UNC50: variants seen among roughly 807,000 people sequenced by gnomAD.
UNC50 encodes protein unc-50 homolog.
UNC50 carries 24 observed loss-of-function variants against 31.5 expected under a neutral mutation model. That is an observed-to-expected ratio of 0.76 (90% CI 0.55 to 1.07). UNC50 has a LOEUF of 1.07. Among genes scored for constraint, UNC50 ranks in the 50% least tolerant of loss-of-function variants. UNC50 has a pLI of 0.00. For missense variants in UNC50, 245 were observed against 304.2 expected (o/e 0.81, Z 1.45); for synonymous variants, 118 against 114.7 (o/e 1.03, Z -0.18).
At chr2:98,617,052 C>G (rs931953867) in intron 5 of UNC50, among the ~76,000 whole-genome samples, 1 of 152,156 alleles carries the variant, frequency 6.6e-6, no homozygotes. Context: ...CACAGAAGAT[C>G]GGGCCCAACA....
In UNC50 at chr2:98,618,461, A is replaced by C. The variant is rs1051143053; in HGVS notation, c.*157A>C. 5.1e-6 allele frequency: 3 copies of C among 592,680 alleles called. No homozygotes were observed. Among genetic ancestry groups the C allele is most frequent in the Admixed American group, 4.1e-5 (1 of 24,276 alleles). 36.7% of individuals were successfully genotyped at this position (592,680 alleles called of 1,614,324 possible). ...ATATATTAACACTGTGGTCAGGTAC[A>C]TTCCTTAAAACTAATTAAATGTACA... On this transcript the variant is annotated 3_prime_UTR_variant, in exon 6 of 6. Coordinates refer to ENST00000357765, the MANE Select transcript of UNC50 (RefSeq NM_014044.7).
At chr2:98,608,930 A>G (rs904295133) in intron 1 of UNC50, 5 of 214,234 alleles carry the variant, frequency 2.3e-5, no homozygotes, top group Non-Finnish European at 4.8e-5. Context: ...AGCATTTAGT[A>G]TAAGCATGTC....
chr2:98,608,784 T>G, intron 1 of UNC50, 58 bp downstream of exon 1: 1 of 295,588 alleles, frequency 3.4e-6, no homozygotes, highest in Non-Finnish European at 6.5e-6. Flanking sequence ...GGGGGCCATT[T>G]AATCCCGACA....
chr2:98,617,140 A>AACAT (rs1188351585), intron 5 of UNC50, among the ~76,000 whole-genome samples: 2 of 152,232 alleles, frequency 1.3e-5, no homozygotes, highest in African/African-American at 4.8e-5. Context: ...ATGAATGAGG[A>AACAT]ACATATATTA....
intron 3 of UNC50, among the ~76,000 whole-genome samples, chr2:98,614,158 T>C (rs1700882798): frequency 6.6e-6 from 1 of 152,262 alleles, no homozygotes; most frequent in Non-Finnish European, 1.5e-5. Context: ...CACACTATCT[T>C]TTCCATGGCA....
chr2:98,611,637 C>G (rs928766529), intron 3 of UNC50, among the ~76,000 whole-genome samples: 2 of 152,104 alleles, frequency 1.3e-5, no homozygotes. Flanking sequence ...CTTGACTTTT[C>G]CCTTTGGCTT....
chr2:98,614,102 AG>A (rs1306316070), intron 3 of UNC50, among the ~76,000 whole-genome samples: 1 of 152,224 alleles, frequency 6.6e-6, no homozygotes, highest in Non-Finnish European at 1.5e-5. Context: ...GGGCAAAAGG[AG>A]GTGGGGAGCT....
Position 98,610,003 on chromosome 2 carries a change from C to A in UNC50, c.244C>A (p.Pro82Thr). ...GAAGGACCAGTGGGCCAGAGATGAC[C>A]CTGCTTTCTTGGTCCTGTTAAGTAT... Reference protein sequence around the residue: ...QTKDQWARDDPAFLVLLSIWL... With the variant: ...QTKDQWARDDTAFLVLLSIWL... Residue 82 changes from proline to threonine, a missense_variant, in exon 2 of 6, where the codon CCT becomes ACT. Physicochemically the swap from Pro to Thr is conservative, Grantham distance 38 (BLOSUM62 -1). Transcript: ENST00000357765. The A allele has an allele frequency of 6.2e-7, 1 of 1,614,100 alleles. No homozygotes were observed. Among genetic ancestry groups the A allele is most frequent in the Non-Finnish European group, 8.5e-7 (1 of 1,179,996 alleles).
chr2:98,611,069 AATACT>A (rs2104175125), intron 3 of UNC50, among the ~76,000 whole-genome samples, 174 bp downstream of exon 3: 1 of 152,388 alleles, frequency 6.6e-6, no homozygotes, highest in Non-Finnish European at 1.5e-5. Flanking sequence ...TATATCAGAA[AATACT>A]ATAAAGGCTG....
Position 98,609,550 on chromosome 2 carries a change from G to C in UNC50, c.-4-206G>C, listed in dbSNP as rs1001333967. ...AGGTGATTCAGAAGGGTGGGCTGTT[G>C]CCCTTGCCTGAGGTTGCAGTCTGCG... On this transcript the variant is annotated intron_variant, in intron 1 of 5. Transcript: ENST00000357765. 6 of 688,502 alleles carry C rather than the reference G, an allele frequency of 8.7e-6. No homozygotes were observed. In the African/African-American group the frequency reaches 8.9e-5, roughly 10 times the overall value. The allele number at this position is 688,502 out of a possible 1,614,324, so 42.6% of individuals were successfully genotyped here. A position where few individuals can be genotyped will look rare whatever the true frequency, so the allele number is the denominator to read the frequency against.
rs1700919367 is a variant in UNC50 at position 98,616,288 on chromosome 2, CAA to C, written c.484_485del (p.Asn162CysfsTer93). The C allele has an allele frequency of 6.2e-7, 1 of 1,614,032 alleles. No homozygotes were observed. The highest frequency in any genetic ancestry group is 1.7e-5 in the Admixed American group (1 of 59,996). On this transcript the variant is annotated frameshift_variant, in exon 4 of 6. Coordinates refer to ENST00000357765, the MANE Select transcript of UNC50 (RefSeq NM_014044.7). LOFTEE classifies it high-confidence loss of function. ...GGGGCTATGCTTTTGATGTGCATCT[CAA>C]TGCTTTTTATCCACTCCTGGTCATT... The part of the protein sequence containing the change: ...EWGYAFDVHL[N>X]AFYPLLVILH...
In UNC50 at chr2:98,610,020, G is replaced by A; in HGVS notation, c.261G>A (p.Leu87=). 6.2e-7 allele frequency: 1 copy of A among 1,613,700 alleles called. No individual in the cohort carries two copies. The highest frequency in any genetic ancestry group is 1.1e-5 in the South Asian group (1 of 91,080). The part of the protein sequence containing the change: ...WARDDPAFLV[L]LSIWLCVSTI... ...GAGATGACCCTGCTTTCTTGGTCCT[G>A]TTAAGTATCTGGCTCTGTGGTAAGT... Residue 87 remains leucine, a synonymous_variant, in exon 2 of 6, where the codon CTG becomes CTA. Transcript: ENST00000357765.
In UNC50 at chr2:98,609,554, T is replaced by A. The variant is rs957263088; in HGVS notation, c.-4-202T>A. On this transcript the variant is annotated intron_variant, in intron 1 of 5. Coordinates refer to ENST00000357765, the MANE Select transcript of UNC50 (RefSeq NM_014044.7). ...GATTCAGAAGGGTGGGCTGTTGCCC[T>A]TGCCTGAGGTTGCAGTCTGCGGTTC... 6 of 708,570 alleles carry A rather than the reference T, an allele frequency of 8.5e-6. No homozygotes were observed. In the Admixed American group the frequency reaches 1.5e-4, roughly 17 times the overall value. The allele number at this position is 708,570 out of a possible 1,614,324, so 43.9% of individuals were successfully genotyped here.
At position 98,609,794 on chromosome 2, in the gene UNC50, A is replaced by T; in HGVS notation, c.35A>T (p.Gln12Leu). 1 of 1,614,246 alleles carries T rather than the reference A, an allele frequency of 6.2e-7. No homozygotes were observed. The highest frequency in any genetic ancestry group is 8.5e-7 in the Non-Finnish European group (1 of 1,180,046). ...AGTACTTCAGTGAATTCCTTAGTGC[A>T]GGGGAACGGAGTCTTGAATTCCAGG... The part of the protein sequence containing the change: ...LPSTSVNSLV[Q>L]GNGVLNSRDA... The change falls in exon 2 of 6, where the codon CAG becomes CTG. Residue 12 changes from glutamine (Q) to leucine (L), a missense_variant. Physicochemically the swap from Gln to Leu is moderately radical, Grantham distance 113. Transcript: ENST00000357765.
chr2:98,611,414 A>G (rs536798887), intron 3 of UNC50, among the ~76,000 whole-genome samples: 1 of 152,336 alleles, frequency 6.6e-6, no homozygotes, highest in East Asian at 1.9e-4. Context: ...CTGAATACAC[A>G]ATTTACTTGT....
At chr2:98,609,304 G>GCC (rs1164928708) in intron 1 of UNC50, 4 of 100,234 alleles carry the variant, frequency 4.0e-5, no homozygotes, top group Non-Finnish European at 9.2e-5. Flanking sequence ...GCAGTGCGCT[G>GCC]ATGGATCTGT....
chr2:98,616,652 G>T, intron 5 of UNC50, 119 bp downstream of exon 5: 1 of 726,376 alleles, frequency 1.4e-6, no homozygotes, highest in Non-Finnish European at 2.3e-6. Flanking sequence ...AGTATTTTAT[G>T]TGCATTATCT....
At chr2:98,609,667 C>A (rs758705212) in intron 1 of UNC50, 89 bp from the exon 2 acceptor site, 2 of 1,583,040 alleles carry the variant, frequency 1.3e-6, no homozygotes, top group South Asian at 2.3e-5. Context: ...TGGAAAGTGA[C>A]CTCCCTGCCA....
chr2:98,614,313 A>G (rs917872058), intron 3 of UNC50, among the ~76,000 whole-genome samples: 2 of 152,134 alleles, frequency 1.3e-5, no homozygotes, highest in South Asian at 2.1e-4. Flanking sequence ...TGAGATAACA[A>G]GGTATGAGGG....
Sources: allele counts gnomAD v4.1 joint callset (sites outside exome capture counted in the v4.1 genomes callset), GRCh38; gene constraint gnomAD v4.1.1; transcripts MANE v1.5; gene names NCBI Gene and HGNC (gene_info 2026-07-23, HGNC 2026-07-21).